CHN1: variants seen among roughly 807,000 people sequenced by gnomAD.
The protein encoded by CHN1 is N-chimaerin.
Under a neutral mutation model 59.5 loss-of-function variants are expected in CHN1, and 37 were observed. That is an observed-to-expected ratio of 0.62 (90% CI 0.48 to 0.82). CHN1 has a LOEUF of 0.82. CHN1 is among the 40% of genes least tolerant of loss of function. The pLI, the probability that CHN1 is intolerant of heterozygous loss-of-function variation, is 0.00. For missense variants in CHN1, 469 were observed against 571.0 expected (o/e 0.82, Z 1.82); for synonymous variants, 206 against 200.4 (o/e 1.03, Z -0.24).
At chr2:174,915,276 A>G in intron 4 of CHN1, 105 bp from the exon 5 acceptor site, 1 of 858,088 alleles carries the variant, frequency 1.2e-6, no homozygotes, top group Non-Finnish European at 1.9e-6. Context: ...TTTTCAAGAC[A>G]AAGTACTGCC....
In CHN1 at chr2:175,005,151, G is replaced by A; in HGVS notation, c.-239C>T. 1 of 1,287,768 alleles carries A rather than the reference G, an allele frequency of 7.8e-7. No homozygotes were observed. The highest frequency in any genetic ancestry group is 9.8e-7 in the Non-Finnish European group (1 of 1,015,554). 79.8% of individuals were successfully genotyped at this position (1,287,768 alleles called of 1,614,324 possible). ...CCAGGGAGCCCCGCTAGCTCTCCGC[G>A]AGCCGGCACTTGTCGCTGCCATCAG... is the stretch of plus-strand genomic sequence containing the variant. On this transcript the variant is annotated 5_prime_UTR_variant, in exon 1 of 13. Transcript: ENST00000409900.
intron 11 of CHN1, among the ~76,000 whole-genome samples, chr2:174,806,798 T>A (rs1165117482): frequency 6.6e-6 from 1 of 152,206 alleles, no homozygotes; most frequent in Non-Finnish European, 1.5e-5. Flanking sequence ...AATGGCCGTA[T>A]CTGCACATCT....
intron 7 of CHN1, among the ~76,000 whole-genome samples, chr2:174,838,820 G>A (rs1475714024): frequency 6.6e-6 from 1 of 152,024 alleles, no homozygotes; most frequent in Non-Finnish European, 1.5e-5. Flanking sequence ...TTCAAGACCA[G>A]CCTGACCAAC....
intron 3 of CHN1, among the ~76,000 whole-genome samples, chr2:174,938,787 C>T (rs1689574760): frequency 1.3e-5 from 2 of 152,040 alleles, no homozygotes; most frequent in Non-Finnish European, 1.5e-5. Flanking sequence ...TAAATCCTTT[C>T]ATTCTGAACA....
chr2:174,835,198 T>C (rs985712188), intron 7 of CHN1, among the ~76,000 whole-genome samples: 2 of 152,198 alleles, frequency 1.3e-5, no homozygotes, highest in Admixed American at 1.3e-4. Context: ...TTTCAGACCA[T>C]CATAAGGTCA....
intron 6 of CHN1, among the ~76,000 whole-genome samples, chr2:174,850,529 C>A (rs1165700970): frequency 1.3e-5 from 2 of 152,016 alleles, no homozygotes; most frequent in African/African-American, 4.8e-5. Context: ...AAATGACATA[C>A]AAAAAAGATT....
At chr2:174,886,902 A>T (rs1456122925) in intron 5 of CHN1, among the ~76,000 whole-genome samples, 1 of 152,164 alleles carries the variant, frequency 6.6e-6, no homozygotes, top group Non-Finnish European at 1.5e-5. Flanking sequence ...TGCACAATTC[A>T]ATGAGTTTTG....
chr2:174,895,175 G>T, intron 5 of CHN1, among the ~76,000 whole-genome samples: 1 of 134,392 alleles, frequency 7.4e-6, no homozygotes, highest in Admixed American at 7.8e-5. Flanking sequence ...GTTATATATA[G>T]GAGTATATAT....
At chr2:174,801,408 C>CT (rs1684716683) in intron 12 of CHN1, among the ~76,000 whole-genome samples, 3 of 152,316 alleles carry the variant, frequency 2.0e-5, no homozygotes, top group Admixed American at 2.0e-4. Context: ...AGCCACAACT[C>CT]TATCTTTCCA....
At chr2:174,816,654 T>C (rs1320955707) in intron 8 of CHN1, among the ~76,000 whole-genome samples, 1 of 152,174 alleles carries the variant, frequency 6.6e-6, no homozygotes, top group Non-Finnish European at 1.5e-5. Flanking sequence ...CTAGGTTGTT[T>C]CTGGAATCCT....
chr2:174,983,017 C>T (rs948587165), intron 1 of CHN1, among the ~76,000 whole-genome samples: 1 of 151,628 alleles, frequency 6.6e-6, no homozygotes, highest in Non-Finnish European at 1.5e-5. Flanking sequence ...TAAAAAAACA[C>T]AAGGGCAAAA....
At chr2:174,988,453 T>A (rs1691426756) in intron 1 of CHN1, among the ~76,000 whole-genome samples, 1 of 152,178 alleles carries the variant, frequency 6.6e-6, no homozygotes, top group Non-Finnish European at 1.5e-5. Context: ...TTTTTAATTG[T>A]CTACAACTTC....
chr2:174,944,976 TC>T (rs1689782865), intron 2 of CHN1, 33 bp from the exon 3 acceptor site: 2 of 1,473,746 alleles, frequency 1.4e-6, no homozygotes, highest in African/African-American at 1.4e-5. Flanking sequence ...AGTGTCAATG[TC>T]CCTTACATAG....
intron 5 of CHN1, among the ~76,000 whole-genome samples, chr2:174,888,951 G>C (rs951939666): frequency 6.6e-6 from 1 of 152,206 alleles, no homozygotes; most frequent in African/African-American, 2.4e-5. Flanking sequence ...AGGGAGAAGA[G>C]TGGAGTATGA....
intron 5 of CHN1, among the ~76,000 whole-genome samples, chr2:174,889,746 C>G (rs1034988830): frequency 1.3e-5 from 2 of 151,898 alleles, no homozygotes; most frequent in Non-Finnish European, 2.9e-5. Flanking sequence ...CAAAGTGTAT[C>G]AATATATGCA....
At chr2:174,820,305 T>C (rs1488105310) in intron 8 of CHN1, among the ~76,000 whole-genome samples, 1 of 152,212 alleles carries the variant, frequency 6.6e-6, no homozygotes, top group African/African-American at 2.4e-5. Context: ...AGTGTTCCTA[T>C]TTCTCCACAT....
intron 1 of CHN1, among the ~76,000 whole-genome samples, chr2:174,961,860 GT>G (rs1219335884): frequency 2.0e-5 from 3 of 152,106 alleles, no homozygotes; most frequent in Non-Finnish European, 4.4e-5. Flanking sequence ...TAATGTCTCA[GT>G]ATTATTACAA....
chr2:174,821,946 T>C (rs1040740042), intron 8 of CHN1, among the ~76,000 whole-genome samples: 48 of 152,314 alleles, frequency 3.2e-4, no homozygotes, highest in Middle Eastern at 3.4e-3. Flanking sequence ...GAAGCGGACA[T>C]CTCTGGGGAG....
intron 6 of CHN1, among the ~76,000 whole-genome samples, chr2:174,850,579 G>A (rs571181863): frequency 6.6e-6 from 1 of 152,204 alleles, no homozygotes; most frequent in South Asian, 2.1e-4. Flanking sequence ...GATTACAGGG[G>A]TGCTGAGCCC....
Sources: allele counts gnomAD v4.1 joint callset (sites outside exome capture counted in the v4.1 genomes callset), GRCh38; gene constraint gnomAD v4.1.1; transcripts MANE v1.5; gene names NCBI Gene and HGNC (gene_info 2026-07-23, HGNC 2026-07-21).